CWC22: variants seen among roughly 807,000 people sequenced by gnomAD.
The protein encoded by CWC22 is CWC22 spliceosome associated protein.
CWC22 carries 53 observed loss-of-function variants against 117.2 expected under a neutral mutation model. The observed-to-expected ratio is 0.45, with a 90% confidence interval of 0.36 to 0.57. CWC22 has a LOEUF of 0.57. Ranked by LOEUF, CWC22 falls within the 20% of genes least tolerant of loss-of-function variation. The pLI, the probability that CWC22 is intolerant of heterozygous loss-of-function variation, is 0.00. For synonymous variants in CWC22, 360 were observed against 355.6 expected (o/e 1.01, Z -0.14); for missense variants, 980 against 1,068.8 (o/e 0.92, Z 1.16).
intron 19 of CWC22, among the ~76,000 whole-genome samples, chr2:179,946,002 C>G (rs1429938929): frequency 6.6e-6 from 1 of 152,170 alleles, no homozygotes; most frequent in Admixed American, 6.5e-5. Flanking sequence ...CCTGCCTCAG[C>G]CTCCCGAATA....
chr2:179,993,585 T>C (rs1046959426), intron 1 of CWC22, 131 bp from the exon 2 acceptor site: 1 of 472,398 alleles, frequency 2.1e-6, no homozygotes, highest in African/African-American at 2.0e-5. Flanking sequence ...ATAAAAATTG[T>C]AAAAATCCTT....
Position 179,945,507 on chromosome 2 carries a change from C to T in CWC22, c.2349G>A (p.Lys783=). Residue 783 remains lysine, a synonymous_variant, in exon 20 of 20, where the codon AAG becomes AAA. Coordinates refer to ENST00000410053, the MANE Select transcript of CWC22 (RefSeq NM_020943.3). The part of the protein sequence containing the change: ...SGSNWRDPIT[K]YTSDKDVPSE... ...AAGGAACATCTTTGTCTGATGTGTA[C>T]TTTGTTATAGGATCTCTCCAATTTG... The T allele has an allele frequency of 1.2e-6, 2 of 1,613,088 alleles. No individual in the cohort carries two copies. Among genetic ancestry groups the T allele is most frequent in the Non-Finnish European group, 1.7e-6 (2 of 1,179,356 alleles).
chr2:179,988,706 A>T (rs1429912203), intron 2 of CWC22, 62 bp from the exon 3 acceptor site: 2 of 822,438 alleles, frequency 2.4e-6, no homozygotes, highest in Non-Finnish European at 3.8e-6. Context: ...CACAGACTGA[A>T]ATACATGGCT....
At chr2:179,950,337 T>C (rs1686412173) in intron 19 of CWC22, among the ~76,000 whole-genome samples, 175 bp downstream of exon 19, 1 of 152,194 alleles carries the variant, frequency 6.6e-6, no homozygotes, top group South Asian at 2.1e-4. Context: ...CCCAGCATTA[T>C]AAATGTTGTA....
chr2:179,970,780 C>A lies in CWC22; in HGVS notation c.1017G>T (p.Met339Ile), dbSNP rs199525095. ...DKRVQYMIEV[M>I]FAVRKDGFKD... is the part of the protein sequence containing the mutation. ...TGAATCCATCTTTCCGTACAGCAAACATCACTTCAATCATATATTGAACTC... is the reference window on the plus strand; with the variant it reads ...TGAATCCATCTTTCCGTACAGCAAAAATCACTTCAATCATATATTGAACTC... The change falls in exon 10 of 20, where the codon ATG becomes ATT. Residue 339 changes from methionine to isoleucine, a missense_variant. Physicochemically the swap from Met to Ile is conservative, Grantham distance 10. Transcript: ENST00000410053. 3 of 1,613,742 alleles carry A rather than the reference C, an allele frequency of 1.9e-6. No homozygotes were observed. Among genetic ancestry groups the A allele is most frequent in the Non-Finnish European group, 2.5e-6 (3 of 1,179,708 alleles).
chr2:179,956,270 G>A (rs1387026935), intron 14 of CWC22, among the ~76,000 whole-genome samples: 1 of 151,800 alleles, frequency 6.6e-6, no homozygotes, highest in Non-Finnish European at 1.5e-5. Flanking sequence ...CTAGAATTAT[G>A]CTGTTCAACA....
intron 2 of CWC22, among the ~76,000 whole-genome samples, chr2:179,989,557 CA>C (rs1449903406): frequency 1.3e-5 from 2 of 152,044 alleles, no homozygotes; most frequent in Non-Finnish European, 2.9e-5. Context: ...GGGACTCGAA[CA>C]ACATTACTTT....
At position 179,945,463 on chromosome 2, in the gene CWC22, C is replaced by T. The variant is rs532601735; in HGVS notation, c.2393G>A (p.Ser798Asn). 2.4e-5 allele frequency: 39 copies of T among 1,612,900 alleles called. No individual in the cohort carries two copies. The South Asian group carries it at 3.1e-4, about 13-fold the overall frequency. Residue 798 changes from serine (S) to asparagine (N), a missense_variant, in exon 20 of 20, where the codon AGT becomes AAT. Around this residue, in one of 3 missense-constraint regions of CWC22, gnomAD observed 306 missense variants for 296.8 expected, o/e 1.03. Coordinates refer to ENST00000410053, the MANE Select transcript of CWC22 (RefSeq NM_020943.3). ...KDVPSERNNY[S>N]RVANDRDQEM... ...TTGGTCTCTGTCATTCGCAACTCTA[C>T]TGTAGTTATTTCGTTCAGAAGGAAC... is the stretch of plus-strand genomic sequence containing the variant.
chr2:179,987,463 T>C (rs1362747598), intron 3 of CWC22, among the ~76,000 whole-genome samples: 2 of 151,804 alleles, frequency 1.3e-5, no homozygotes, highest in African/African-American at 4.8e-5. Flanking sequence ...CAAATACCTG[T>C]GTGTGTGTGT....
intron 14 of CWC22, among the ~76,000 whole-genome samples, chr2:179,958,650 A>G (rs1686666774): frequency 6.6e-6 from 1 of 152,080 alleles, no homozygotes; most frequent in African/African-American, 2.4e-5. Flanking sequence ...CAGAGAAACC[A>G]AAAGATTGGA....
Position 179,993,409 on chromosome 2 carries a change from G to T in CWC22, c.-68C>A. 1 of 1,101,210 alleles carries T rather than the reference G, an allele frequency of 9.1e-7. No homozygotes were observed. The highest frequency in any genetic ancestry group is 1.4e-6 in the Non-Finnish European group (1 of 737,658). The allele number at this position is 1,101,210 out of a possible 1,614,324, so 68.2% of individuals were successfully genotyped here. A position where few individuals can be genotyped will look rare whatever the true frequency, so the allele number is the denominator to read the frequency against. On this transcript the variant is annotated 5_prime_UTR_variant, in exon 2 of 20. Transcript: ENST00000410053. The stretch of plus-strand genomic sequence containing the variant: ...CTGGTCCAAATAACAAGTACCCAAT[G>T]CTCTGAATTCCTTGACAGTTTACTT...
chr2:179,952,607 T>C lies in CWC22; in HGVS notation c.1690-9A>G, dbSNP rs1378683320. 1 of 1,372,382 alleles carries C rather than the reference T, an allele frequency of 7.3e-7. No individual in the cohort carries two copies. Among genetic ancestry groups the C allele is most frequent in the Non-Finnish European group, 9.8e-7 (1 of 1,025,386 alleles). 85.0% of individuals were successfully genotyped at this position (1,372,382 alleles called of 1,614,324 possible). On this transcript the variant is annotated splice_polypyrimidine_tract_variant and intron_variant, in intron 16 of 19. Coordinates refer to ENST00000410053, the MANE Select transcript of CWC22 (RefSeq NM_020943.3). ...TTTATACATTCAAGAACCTGAAAAT[T>C]AAAATAAAAAAAGACAAGTATATTT... is the stretch of plus-strand genomic sequence containing the variant.
Position 179,950,709 on chromosome 2 carries a change from T to C in CWC22, c.1943A>G (p.Lys648Arg), listed in dbSNP as rs753737967. Residue 648 changes from lysine (K) to arginine (R), a missense_variant, in exon 19 of 20, where the codon AAA (lysine) becomes AGA (arginine). Physicochemically the swap from Lys to Arg is conservative, Grantham distance 26. Transcript: ENST00000410053. Reference sequence around the variant, plus strand: ...CGCCACAATGACCTTTGGTGTATTTTTGAGATGCTCCCGCAGTTCATCCCT... The same window carrying C: ...CGCCACAATGACCTTTGGTGTATTTCTGAGATGCTCCCGCAGTTCATCCCT... Reference protein sequence around the residue: ...GLTDELREHLKNTPKVIVAQK... With the variant: ...GLTDELREHLRNTPKVIVAQK... 4 of 1,613,496 alleles carry C rather than the reference T, an allele frequency of 2.5e-6. No individual in the cohort carries two copies. Among genetic ancestry groups the C allele is most frequent in the African/African-American group, 2.7e-5 (2 of 74,904 alleles).
intron 1 of CWC22, among the ~76,000 whole-genome samples, chr2:180,002,901 A>G (rs181439146): frequency 6.6e-6 from 1 of 152,230 alleles, no homozygotes; most frequent in Non-Finnish European, 1.5e-5. Flanking sequence ...AAGCTAAACT[A>G]TGAAAGGCTC....
intron 5 of CWC22, 105 bp from the exon 6 acceptor site, chr2:179,978,423 CAT>C: frequency 8.3e-7 from 1 of 1,208,168 alleles, no homozygotes; most frequent in Non-Finnish European, 1.1e-6. Context: ...ACATTATTTT[CAT>C]GAAACGACCC....
At chr2:179,955,377 C>A (rs1281853453) in intron 14 of CWC22, among the ~76,000 whole-genome samples, 4 of 151,886 alleles carry the variant, frequency 2.6e-5, no homozygotes, top group African/African-American at 9.7e-5. Context: ...ATGCAGAATT[C>A]TTTTAAATAT....
chr2:179,995,072 C>T (rs980155322), intron 1 of CWC22, among the ~76,000 whole-genome samples: 1 of 152,118 alleles, frequency 6.6e-6, no homozygotes, highest in African/African-American at 2.4e-5. Flanking sequence ...GAGCTGAGAT[C>T]GTGCCACTGC....
intron 12 of CWC22, 65 bp downstream of exon 12, chr2:179,965,813 G>A: frequency 8.2e-7 from 1 of 1,226,866 alleles, no homozygotes; most frequent in South Asian, 1.4e-5. Flanking sequence ...TATTGTTTTA[G>A]AAGATTACAT....
intron 2 of CWC22, among the ~76,000 whole-genome samples, chr2:179,991,702 G>C (rs527905555): frequency 2.5e-4 from 38 of 152,312 alleles, no homozygotes; most frequent in Admixed American, 2.0e-3. Flanking sequence ...TCTGTCAAGA[G>C]CCAGTTCTGT....
Sources: allele counts gnomAD v4.1 joint callset (sites outside exome capture counted in the v4.1 genomes callset), GRCh38; gene constraint gnomAD v4.1.1; regional missense constraint gnomAD v4.1.1; transcripts MANE v1.5; gene names NCBI Gene and HGNC (gene_info 2026-07-23, HGNC 2026-07-21).